The following ZNF627 variants were observed in gnomAD, a reference collection of about 807,000 sequenced individuals.
ZNF627 encodes zinc finger protein 627.
ZNF627 carries 12 observed loss-of-function variants against 10.6 expected under a neutral mutation model. That is an observed-to-expected ratio of 1.13 (90% CI 0.73 to 1.84). The LOEUF is 1.84. Ranked by LOEUF, ZNF627 falls within the 40% of genes most tolerant of loss-of-function variation. The pLI, the probability that ZNF627 is intolerant of heterozygous loss-of-function variation, is 0.00. For synonymous variants in ZNF627, 176 were observed against 187.1 expected (o/e 0.94, Z 0.48); for missense variants, 504 against 568.4 (o/e 0.89, Z 1.15).
intron 1 of ZNF627, among the ~76,000 whole-genome samples, chr19:11,610,074 C>T (rs1204324422): frequency 1.8e-4 from 21 of 114,316 alleles, no homozygotes; most frequent in Non-Finnish European, 3.1e-4. Flanking sequence ...TTTTTTGAGA[C>T]GGAGTCTTGC....
In ZNF627 at chr19:11,612,089, T is replaced by C. The variant is rs140539875; in HGVS notation, c.4-2438T>C. 5.9e-3 allele frequency among the ~76,000 whole-genome samples: 902 copies of C among 151,686 alleles called. 5 individuals carry two copies. Among genetic ancestry groups the C allele is most frequent in the Middle Eastern group, 0.017 (5 of 294 alleles). ...AGGTCTTTGATCCATTTTGATTTCA[T>C]TTTTGTATGTAAGTTAAGGGTCCAA... On this transcript the variant is annotated intron_variant, in intron 1 of 3. Coordinates refer to ENST00000361113, the MANE Select transcript of ZNF627 (RefSeq NM_145295.4).
rs1973872250 is a variant in ZNF627 at position 11,616,630 on chromosome 19, A to G, written c.192-65A>G. The stretch of plus-strand genomic sequence containing the variant: ...ACAAGTATATGTAAGTCTAATACCT[A>G]TTAATAAATATAAAATCATTTATAA... On this transcript the variant is annotated intron_variant, in intron 3 of 3. Transcript: ENST00000361113. The G allele has an allele frequency of 2.7e-6, 3 of 1,104,810 alleles. No homozygotes were observed. The South Asian group carries it at 5.2e-5, about 19-fold the overall frequency. The allele number at this position is 1,104,810 out of a possible 1,614,324, so 68.4% of individuals were successfully genotyped here.
chr19:11,609,212 C>T (rs1005642306), intron 1 of ZNF627, among the ~76,000 whole-genome samples: 2 of 151,900 alleles, frequency 1.3e-5, no homozygotes, highest in Admixed American at 1.3e-4. Flanking sequence ...AATTAAAAAT[C>T]TACCATCTTA....
At chr19:11,605,793 C>T (rs1159502740) in intron 1 of ZNF627, among the ~76,000 whole-genome samples, 1 of 152,138 alleles carries the variant, frequency 6.6e-6, no homozygotes, top group Non-Finnish European at 1.5e-5. Context: ...ACAATCATGC[C>T]CTCCCAACAG....
chr19:11,597,531 A>C lies in ZNF627; in HGVS notation c.-97A>C. The C allele has an allele frequency of 8.1e-7, 1 of 1,241,422 alleles. No individual in the cohort carries two copies. The highest frequency in any genetic ancestry group is 1.0e-6 in the Non-Finnish European group (1 of 971,782). 76.9% of individuals were successfully genotyped at this position (1,241,422 alleles called of 1,614,324 possible). A position where few individuals can be genotyped will look rare whatever the true frequency, so the allele number is the denominator to read the frequency against. On this transcript the variant is annotated 5_prime_UTR_variant, in exon 1 of 4. Transcript: ENST00000361113. ...GGGCTCGCGTCTCCGTTTCTCCGAG[A>C]GGCCCAAGGTGTCTCCGCCGCAGCC...
chr19:11,609,365 T>C (rs989264860), intron 1 of ZNF627, among the ~76,000 whole-genome samples: 12 of 151,536 alleles, frequency 7.9e-5, no homozygotes, highest in Non-Finnish European at 4.4e-5. Flanking sequence ...CTGATTCTTA[T>C]TTTGCTTGCT....
Position 11,610,047 on chromosome 19 carries a change from A to AT in ZNF627, c.4-4458dup, listed in dbSNP as rs71166614. ...GTTTTTGTTGAAAAGTGGGATTTGA[A>AT]TTTTTTTTTTTTTTTTTTTTTTGAG... On this transcript the variant is annotated intron_variant, in intron 1 of 3. Transcript: ENST00000361113. Among the ~76,000 whole-genome samples the AT allele has an allele frequency of 9.5e-3, 1,089 of 114,810 alleles. 9 individuals carry two copies. Among genetic ancestry groups the AT allele is most frequent in the African/African-American group, 0.026 (783 of 29,844 alleles). The allele number at this position is 114,810 out of a possible 152,430, so 75.3% of individuals were successfully genotyped here. A position where few individuals can be genotyped will look rare whatever the true frequency, so the allele number is the denominator to read the frequency against.
chr19:11,610,733 T>A (rs1973759869), intron 1 of ZNF627, among the ~76,000 whole-genome samples: 1 of 152,242 alleles, frequency 6.6e-6, no homozygotes, highest in Non-Finnish European at 1.5e-5. Context: ...TGATTTTGCC[T>A]AAGTTTCTTC....
In ZNF627 at chr19:11,617,667, G is replaced by A; in HGVS notation, c.1164G>A (p.Glu388=). The A allele has an allele frequency of 1.2e-6, 2 of 1,613,056 alleles. No homozygotes were observed. Among genetic ancestry groups the A allele is most frequent in the Non-Finnish European group, 8.5e-7 (1 of 1,179,694 alleles). The change falls in exon 4 of 4, where the codon GAG becomes GAA. Residue 388 remains glutamate (E), a synonymous_variant. Coordinates refer to ENST00000361113, the MANE Select transcript of ZNF627 (RefSeq NM_145295.4). ...AACATGAAAGAATTCACACTGGAGAGAAACCCTATAAATGTACAAAATGTG... is the reference window on the plus strand; with the variant it reads ...AACATGAAAGAATTCACACTGGAGAAAAACCCTATAAATGTACAAAATGTG... ...FRKHERIHTG[E]KPYKCTKCGK... is the part of the protein sequence containing the mutation.
chr19:11,618,501 G>A lies in ZNF627; in HGVS notation c.*612G>A, dbSNP rs1351824918. Reference sequence around the variant, plus strand: ...TGTGATGCTCTGACTCCCCTAGTCTGTAGACGGAATTGGCATACGGTCTAA... The same window carrying A: ...TGTGATGCTCTGACTCCCCTAGTCTATAGACGGAATTGGCATACGGTCTAA... On this transcript the variant is annotated 3_prime_UTR_variant, in exon 4 of 4. Transcript: ENST00000361113. 6.6e-6 allele frequency: 1 copy of A among 152,234 alleles called. No homozygotes were observed. Among genetic ancestry groups the A allele is most frequent in the South Asian group, 2.1e-4 (1 of 4,828 alleles). The allele number at this position is 152,234 out of a possible 1,614,324, so 9.4% of individuals were successfully genotyped here.
At chr19:11,616,574 A>G (rs1973871376) in intron 3 of ZNF627, 121 bp from the exon 4 acceptor site, 1 of 695,670 alleles carries the variant, frequency 1.4e-6, no homozygotes, top group Non-Finnish European at 2.2e-6. Flanking sequence ...CGCCTGGGCA[A>G]CATAGTAAGA....
chr19:11,613,532 A>G (rs1234076221), intron 1 of ZNF627, among the ~76,000 whole-genome samples: 1 of 151,600 alleles, frequency 6.6e-6, no homozygotes, highest in Non-Finnish European at 1.5e-5. Context: ...TAAAAAAAAT[A>G]TTTAGTAGAC....
intron 1 of ZNF627, among the ~76,000 whole-genome samples, chr19:11,598,454 C>A (rs903227018): frequency 4.6e-5 from 7 of 152,124 alleles, no homozygotes; most frequent in African/African-American, 9.7e-5. Context: ...AAAAGAATTT[C>A]ATTCGACTTA....
At chr19:11,601,565 C>T (rs1973585431) in intron 1 of ZNF627, among the ~76,000 whole-genome samples, 1 of 152,050 alleles carries the variant, frequency 6.6e-6, no homozygotes. Flanking sequence ...CCAGACTGGT[C>T]TCTAACTCCT....
At chr19:11,607,957 C>T (rs1235329695) in intron 1 of ZNF627, among the ~76,000 whole-genome samples, 1 of 152,168 alleles carries the variant, frequency 6.6e-6, no homozygotes, top group Non-Finnish European at 1.5e-5. Context: ...CTATATTAGT[C>T]CATTCTTGCG....
chr19:11,613,916 ATTTTT>A (rs35877992), intron 1 of ZNF627, among the ~76,000 whole-genome samples: 2 of 92,490 alleles, frequency 2.2e-5, no homozygotes, highest in Admixed American at 1.2e-4. Flanking sequence ...TAGTTACTAG[ATTTTT>A]TTTTTTTTTT....
chr19:11,612,549 G>T (rs1238583473), intron 1 of ZNF627, among the ~76,000 whole-genome samples: 1 of 149,174 alleles, frequency 6.7e-6, no homozygotes, highest in Non-Finnish European at 1.5e-5. Flanking sequence ...AGCCTCCCAA[G>T]TTTCTGGGAC....
intron 3 of ZNF627, 59 bp downstream of exon 3, chr19:11,614,946 A>ATTTTTTT: frequency 1.1e-6 from 1 of 939,176 alleles, no homozygotes; most frequent in South Asian, 1.8e-5. Flanking sequence ...ATTGTTAGGA[A>ATTTTTTT]TTTTTTTTTT....
chr19:11,597,811 C>G (rs1038529852), intron 1 of ZNF627, among the ~76,000 whole-genome samples, 181 bp downstream of exon 1: 2 of 152,218 alleles, frequency 1.3e-5, no homozygotes, highest in African/African-American at 2.4e-5. Context: ...TGTCCCGTCC[C>G]TGCGCGACGC....
Sources: gnomAD v4.1 joint callset for allele counts (sites outside exome capture counted in the v4.1 genomes callset) on GRCh38, gnomAD v4.1.1 for gene constraint, MANE v1.5 for transcripts, NCBI Gene and HGNC (gene_info 2026-07-23, HGNC 2026-07-21) for gene names.